Variants in ITPK1 observed in about 807,000 individuals in gnomAD.
ITPK1 encodes inositol-tetrakisphosphate 1-kinase, also known as inositol 1,3,4-trisphosphate 5/6-kinase.
A neutral mutation model predicts 45.3 loss-of-function variants in ITPK1; 21 were observed. The ratio of observed to expected loss-of-function variants is 0.46; its 90% CI spans 0.33 to 0.67. The LOEUF (loss-of-function observed/expected upper bound fraction) is 0.67. Ranked by LOEUF, ITPK1 falls within the 30% of genes least tolerant of loss-of-function variation. The pLI, the probability that ITPK1 is intolerant of heterozygous loss-of-function variation, is 0.02. For synonymous variants in ITPK1, 258 were observed against 253.6 expected (o/e 1.02, Z -0.16); for missense variants, 474 against 573.5 (o/e 0.83, Z 1.77).
At chr14:92,962,292 G>A in intron 7 of ITPK1, 63 bp downstream of exon 7, 1 of 1,208,458 alleles carries the variant, frequency 8.3e-7, no homozygotes, top group Admixed American at 1.7e-5. Flanking sequence ...CAGGGTAGCA[G>A]TGAGACACGA....
chr14:93,033,883 A>G (rs1160949938), intron 3 of ITPK1, among the ~76,000 whole-genome samples: 1 of 152,058 alleles, frequency 6.6e-6, no homozygotes, highest in Non-Finnish European at 1.5e-5. Flanking sequence ...TAGGGCAGGA[A>G]TGATGCAGGG....
At chr14:93,093,025 T>C (rs1891926179) in intron 2 of ITPK1, among the ~76,000 whole-genome samples, 1 of 152,174 alleles carries the variant, frequency 6.6e-6, no homozygotes, top group South Asian at 2.1e-4. Flanking sequence ...TCACTTGGTC[T>C]TCACAATGAC....
At chr14:93,054,180 G>A (rs1047668816) in intron 3 of ITPK1, among the ~76,000 whole-genome samples, 39 of 152,218 alleles carry the variant, frequency 2.6e-4, no homozygotes, top group African/African-American at 9.2e-4. Flanking sequence ...CAAGTGAACC[G>A]AGCCAGTCAC....
In ITPK1 at chr14:93,015,792, C is replaced by T. The variant is rs562783163; in HGVS notation, c.246+884G>A. On this transcript the variant is annotated intron_variant, in intron 4 of 10. Coordinates refer to ENST00000267615, the MANE Select transcript of ITPK1 (RefSeq NM_014216.6). ...GCAAGGGGGGCCAAGGCGGCTGACC[C>T]CGAACACACGGGGAGAGAACAGTGT... is the stretch of plus-strand genomic sequence containing the variant. Among the ~76,000 whole-genome samples, 386 of 152,330 alleles carry T rather than the reference C, an allele frequency of 2.5e-3. 1 individual carries two copies. The highest frequency in any genetic ancestry group is 3.4e-3 in the Middle Eastern group (1 of 294).
intron 3 of ITPK1, among the ~76,000 whole-genome samples, chr14:93,022,872 A>G (rs982093564): frequency 6.6e-6 from 1 of 152,180 alleles, no homozygotes; most frequent in African/African-American, 2.4e-5. Flanking sequence ...AACAAAGAAA[A>G]AAACAGTAAC....
intron 8 of ITPK1, among the ~76,000 whole-genome samples, chr14:92,957,118 G>A (rs1884778704): frequency 6.6e-6 from 1 of 152,360 alleles, no homozygotes; most frequent in East Asian, 1.9e-4. Context: ...CATGCCGGGC[G>A]GCACACCAGC....
chr14:92,959,278 C>T (rs1289551300), intron 7 of ITPK1, among the ~76,000 whole-genome samples: 1 of 152,206 alleles, frequency 6.6e-6, no homozygotes, highest in East Asian at 1.9e-4. Flanking sequence ...GCTAATCCCT[C>T]AGCCCGCAGG....
At chr14:93,111,483 G>C (rs1164564365) in intron 2 of ITPK1, among the ~76,000 whole-genome samples, 1 of 152,162 alleles carries the variant, frequency 6.6e-6, no homozygotes, top group Admixed American at 6.5e-5. Flanking sequence ...GGGCAAGGCA[G>C]GCGGATCACC....
At chr14:92,942,987 T>C (rs1227419775) in intron 10 of ITPK1, among the ~76,000 whole-genome samples, 1 of 152,258 alleles carries the variant, frequency 6.6e-6, no homozygotes, top group African/African-American at 2.4e-5. Flanking sequence ...CCCAGGGGCC[T>C]GGAAGATGAG....
chr14:92,969,876 A>C (rs1395400848), intron 5 of ITPK1, among the ~76,000 whole-genome samples: 1 of 152,106 alleles, frequency 6.6e-6, no homozygotes, highest in Non-Finnish European at 1.5e-5. Context: ...GGAAACGGAA[A>C]TGCTCCCGTC....
At position 92,938,434 on chromosome 14, in the gene ITPK1, G is replaced by A. The variant is rs758469484; in HGVS notation, c.*3127C>T. 6.7e-7 allele frequency: 1 copy of A among 1,482,312 alleles called. No individual in the cohort carries two copies. The allele number at this position is 1,482,312 out of a possible 1,614,324, so 91.8% of individuals were successfully genotyped here. On this transcript the variant is annotated 3_prime_UTR_variant, in exon 11 of 11. Transcript: ENST00000267615. Reference sequence around the variant, plus strand: ...TGGTCTTGGGGTGGCTGTCTGGCAGGCAACAGCTGCTTTGCTCAGTTGGCT... The same window carrying A: ...TGGTCTTGGGGTGGCTGTCTGGCAGACAACAGCTGCTTTGCTCAGTTGGCT...
chr14:93,067,998 G>C (rs910368609), intron 3 of ITPK1: 1 of 93,362 alleles, frequency 1.1e-5, no homozygotes, highest in Non-Finnish European at 2.0e-5. Flanking sequence ...TGATACAGAG[G>C]GGAGGCAAAA....
intron 3 of ITPK1, among the ~76,000 whole-genome samples, chr14:93,045,150 G>A (rs1889723640): frequency 6.6e-6 from 1 of 152,214 alleles, no homozygotes; most frequent in Non-Finnish European, 1.5e-5. Context: ...GCAGGCACAG[G>A]GCATCAAGAT....
intron 9 of ITPK1, among the ~76,000 whole-genome samples, chr14:92,948,816 C>T (rs1887809826): frequency 7.7e-6 from 1 of 130,498 alleles, no homozygotes; most frequent in Non-Finnish European, 1.6e-5. Context: ...CTCCGAGGGA[C>T]CCATGCCCGG....
rs560008655 is a variant in ITPK1 at position 92,940,356 on chromosome 14, C to T, written c.*1205G>A. 3.5e-5 allele frequency: 35 copies of T among 1,006,430 alleles called. No homozygotes were observed. The South Asian group carries it at 4.4e-4, about 13-fold the overall frequency. The allele number at this position is 1,006,430 out of a possible 1,614,324, so 62.3% of individuals were successfully genotyped here. On this transcript the variant is annotated 3_prime_UTR_variant, in exon 11 of 11. Coordinates refer to ENST00000267615, the MANE Select transcript of ITPK1 (RefSeq NM_014216.6). ...GGCTTCTCCCCAACCCTTTTCTCTG[C>T]AGAGGGGGCTGCCTGGATCAGGGGT...
chr14:93,094,699 A>G (rs941540), intron 2 of ITPK1, among the ~76,000 whole-genome samples: 46,131 of 152,148 alleles, frequency 0.3, 8,098 homozygotes, highest in African/African-American at 0.49. Flanking sequence ...CTTGACGAGC[A>G]TGTGTCCACA....
chr14:92,940,908 A>G lies in ITPK1; in HGVS notation c.*653T>C. The G allele has an allele frequency of 7.8e-7, 1 of 1,287,854 alleles. No individual in the cohort carries two copies. The allele number at this position is 1,287,854 out of a possible 1,614,324, so 79.8% of individuals were successfully genotyped here. ...GGACGTGTGTTGGGGGGCCCAGAGG[A>G]CGCCCAGCTTCCTTTCCTTCCCTTT... On this transcript the variant is annotated 3_prime_UTR_variant, in exon 11 of 11. Coordinates refer to ENST00000267615, the MANE Select transcript of ITPK1 (RefSeq NM_014216.6).
Position 92,958,598 on chromosome 14 carries a change from C to T in ITPK1, c.505-232G>A, listed in dbSNP as rs1884878170. 6.6e-6 allele frequency among the ~76,000 whole-genome samples: 1 copy of T among 152,184 alleles called. No individual in the cohort carries two copies. The highest frequency in any genetic ancestry group is 2.4e-5 in the African/African-American group (1 of 41,436). ...GTTGGAGATCCTCCCTTCACCGGGCCTGCCATGTGAGATCGAGCTGGCTGT... is the reference window on the plus strand; with the variant it reads ...GTTGGAGATCCTCCCTTCACCGGGCTTGCCATGTGAGATCGAGCTGGCTGT... On this transcript the variant is annotated intron_variant, in intron 7 of 10. Coordinates refer to ENST00000267615, the MANE Select transcript of ITPK1 (RefSeq NM_014216.6). This position sits in a 1 kb window ranked among gnomAD's most constrained non-coding sequence, Gnocchi z 4.4.
In ITPK1 at chr14:93,063,216, C is replaced by T. The variant is rs576416409; in HGVS notation, c.120+13379G>A. Among the ~76,000 whole-genome samples, 39 of 152,304 alleles carry T rather than the reference C, an allele frequency of 2.6e-4. No individual in the cohort carries two copies. The highest frequency in any genetic ancestry group is 2.5e-4 in the Non-Finnish European group (17 of 68,018). On this transcript the variant is annotated intron_variant, in intron 3 of 10. Coordinates refer to ENST00000267615, the MANE Select transcript of ITPK1 (RefSeq NM_014216.6). This position sits in a 1 kb window ranked among gnomAD's most constrained non-coding sequence, Gnocchi z 4.3. ...ACTTATTTCTACTTGGCAGGGCCTG[C>T]GGCAAAAATACTGCCTGGGCAAGGA... is the stretch of plus-strand genomic sequence containing the variant.
Sources: gnomAD v4.1 joint callset for allele counts (sites outside exome capture counted in the v4.1 genomes callset) on GRCh38, gnomAD v4.1.1 for gene constraint, Gnocchi (gnomAD v3.1) non-coding constraint, MANE v1.5 for transcripts, NCBI Gene and HGNC (gene_info 2026-07-23, HGNC 2026-07-21) for gene names.